The following HSD17B12 variants were observed in gnomAD, a reference collection of about 807,000 sequenced individuals.
HSD17B12 encodes very-long-chain 3-oxoacyl-CoA reductase.
HSD17B12 carries 32 observed loss-of-function variants against 39.3 expected under a neutral mutation model. The ratio of observed to expected loss-of-function variants is 0.81; its 90% CI spans 0.61 to 1.09. HSD17B12 has a LOEUF of 1.09. HSD17B12 is among the 50% of genes least tolerant of loss of function. The probability of loss-of-function intolerance (pLI) is 0.00; values close to 1 mark genes in which losing one functional copy is unlikely to be tolerated. For missense variants in HSD17B12, 342 were observed against 382.9 expected (o/e 0.89, Z 0.89); for synonymous variants, 150 against 146.7 (o/e 1.02, Z -0.16).
chr11:43,649,838 T>G, the HSD17B12 span, among the ~76,000 whole-genome samples: 1 of 152,220 alleles, frequency 6.6e-6, no homozygotes, highest in East Asian at 1.9e-4. Flanking sequence ...CTGACCACTA[T>G]GTTAGAAATG....
chr11:43,754,563 G>A (rs1364189475), intron 3 of HSD17B12, among the ~76,000 whole-genome samples: 2 of 152,186 alleles, frequency 1.3e-5, no homozygotes, highest in Non-Finnish European at 2.9e-5. Context: ...GTGACAGAGT[G>A]AGACTCCATC....
chr11:43,821,030 A>G (rs956582008), intron 6 of HSD17B12, among the ~76,000 whole-genome samples: 1 of 152,238 alleles, frequency 6.6e-6, no homozygotes, highest in Non-Finnish European at 1.5e-5. Context: ...ACCACCAGAT[A>G]AAATGGTAGT....
At chr11:43,825,605 C>CT (rs1951227320) in intron 6 of HSD17B12, among the ~76,000 whole-genome samples, 1 of 152,214 alleles carries the variant, frequency 6.6e-6, no homozygotes, top group Non-Finnish European at 1.5e-5. Context: ...CACTAATCCC[C>CT]ATCCATGGCT....
the HSD17B12 span, among the ~76,000 whole-genome samples, chr11:43,659,244 G>A: frequency 1.3e-5 from 2 of 152,228 alleles, no homozygotes; most frequent in Non-Finnish European, 2.9e-5. Context: ...CATCGGAAGA[G>A]CGCAGTATTA....
chr11:43,775,260 A>G (rs1950688640), intron 3 of HSD17B12, among the ~76,000 whole-genome samples: 1 of 152,034 alleles, frequency 6.6e-6, no homozygotes, highest in African/African-American at 2.4e-5. Context: ...GGAGTCAATT[A>G]CATTACAGAA....
chr11:43,766,179 T>A (rs1354403683), intron 3 of HSD17B12, among the ~76,000 whole-genome samples: 1 of 152,188 alleles, frequency 6.6e-6, no homozygotes, highest in Non-Finnish European at 1.5e-5. Flanking sequence ...AGAATATATC[T>A]ATCATAATTA....
chr11:43,754,233 A>G (rs533554202), intron 3 of HSD17B12, 112 bp downstream of exon 3: 2 of 733,458 alleles, frequency 2.7e-6, no homozygotes, highest in South Asian at 1.8e-5. Context: ...TCAAGGAGAG[A>G]TATCATTAAA....
At chr11:43,742,112 A>AATATATATAT (rs1168038073) in intron 1 of HSD17B12, among the ~76,000 whole-genome samples, 12 of 93,174 alleles carry the variant, frequency 1.3e-4, no homozygotes, top group African/African-American at 3.4e-4. Flanking sequence ...AGGCAAAGGA[A>AATATATATAT]ATATATATAT....
chr11:43,778,302 G>A (rs1950730176), intron 3 of HSD17B12, among the ~76,000 whole-genome samples: 1 of 152,192 alleles, frequency 6.6e-6, no homozygotes, highest in African/African-American at 2.4e-5. Context: ...TTGAATCTCT[G>A]AACAGACCAA....
At chr11:43,750,996 AT>A (rs753887054) in intron 2 of HSD17B12, 39 bp downstream of exon 2, 12 of 1,328,132 alleles carry the variant, frequency 9.0e-6, no homozygotes, top group Non-Finnish European at 1.3e-5. Flanking sequence ...AATATAAAAA[AT>A]AAGAATAAAT....
intron 4 of HSD17B12, among the ~76,000 whole-genome samples, chr11:43,804,546 C>T (rs1349095062): frequency 6.6e-6 from 1 of 152,180 alleles, no homozygotes; most frequent in Admixed American, 6.5e-5. Context: ...TAAGTGAACA[C>T]TTGCTCCACT....
intron 6 of HSD17B12, among the ~76,000 whole-genome samples, chr11:43,828,371 T>A (rs1178135720): frequency 3.3e-4 from 2 of 5,976 alleles, no homozygotes; most frequent in Admixed American, 1.7e-3. Flanking sequence ...CTCGATCTCC[T>A]GACCTCGTGA....
At chr11:43,802,945 T>A (rs1489076294) in intron 4 of HSD17B12, among the ~76,000 whole-genome samples, 7 of 152,220 alleles carry the variant, frequency 4.6e-5, no homozygotes, top group Non-Finnish European at 8.8e-5. Context: ...TCCTTTAAAG[T>A]GTATAGCTGA....
the HSD17B12 span, among the ~76,000 whole-genome samples, chr11:43,627,315 T>A: frequency 1.3e-4 from 20 of 151,754 alleles, no homozygotes; most frequent in Admixed American, 1.3e-3. Context: ...AAAATAAAAG[T>A]AGGATGATTA....
At chr11:43,819,572 G>C (rs1951161915) in intron 6 of HSD17B12, among the ~76,000 whole-genome samples, 1 of 152,102 alleles carries the variant, frequency 6.6e-6, no homozygotes, top group African/African-American at 2.4e-5. Context: ...ATAAAAATGA[G>C]ATATCATTTT....
chr11:43,847,520 CAT>C (rs1182363994), intron 9 of HSD17B12, among the ~76,000 whole-genome samples: 1 of 151,982 alleles, frequency 6.6e-6, no homozygotes, highest in African/African-American at 2.4e-5. Flanking sequence ...GCCTGGGTAA[CAT>C]AGTGAGACAC....
intron 1 of HSD17B12, among the ~76,000 whole-genome samples, chr11:43,741,306 A>G: frequency 6.6e-6 from 1 of 152,334 alleles, no homozygotes; most frequent in South Asian, 2.1e-4. Context: ...ATTAAATTTT[A>G]GTTAAGAAAA....
At chr11:43,782,074 G>A (rs887589048) in intron 3 of HSD17B12, among the ~76,000 whole-genome samples, 1 of 152,142 alleles carries the variant, frequency 6.6e-6, no homozygotes, top group African/African-American at 2.4e-5. Context: ...TAGGCAAAGC[G>A]TGGAGTTGCT....
intron 1 of HSD17B12, among the ~76,000 whole-genome samples, chr11:43,687,927 A>G (rs186089925): frequency 6.6e-5 from 10 of 152,284 alleles, no homozygotes; most frequent in South Asian, 2.1e-4. Flanking sequence ...TAAAATGTCA[A>G]TTGGCTGGGC....
Sources: allele counts gnomAD v4.1 joint callset (sites outside exome capture counted in the v4.1 genomes callset), GRCh38; gene constraint gnomAD v4.1.1; transcripts MANE v1.5; gene names NCBI Gene and HGNC (gene_info 2026-07-23, HGNC 2026-07-21).